ADCYAP1R1: variants seen among roughly 807,000 people sequenced by gnomAD.
The protein encoded by ADCYAP1R1 is ADCYAP receptor type I.
Under a neutral mutation model 67.6 loss-of-function variants are expected in ADCYAP1R1, and 44 were observed. The observed-to-expected ratio is 0.65, with a 90% confidence interval of 0.51 to 0.84. The LOEUF is 0.84. Among genes scored for constraint, ADCYAP1R1 ranks in the 40% least tolerant of loss-of-function variants. The probability of loss-of-function intolerance (pLI) is 0.00; values close to 1 mark genes in which losing one functional copy is unlikely to be tolerated. For missense variants in ADCYAP1R1, 477 were observed against 587.9 expected (o/e 0.81, Z 1.95); for synonymous variants, 222 against 219.6 (o/e 1.01, Z -0.10).
intron 3 of ADCYAP1R1, among the ~76,000 whole-genome samples, chr7:31,068,325 G>C (rs903287653): frequency 1.3e-5 from 2 of 152,204 alleles, no homozygotes; most frequent in Admixed American, 1.3e-4. Flanking sequence ...TAGACACAGA[G>C]ACGTTAGGTT....
At chr7:31,093,277 A>G (rs939315351) in intron 13 of ADCYAP1R1, among the ~76,000 whole-genome samples, 13 of 152,110 alleles carry the variant, frequency 8.5e-5, no homozygotes, top group African/African-American at 2.4e-4. Context: ...ATGTGGTCCT[A>G]TTTCTTCAAC....
chr7:31,104,794 T>C, intron 14 of ADCYAP1R1, 74 bp from the exon 15 acceptor site: 1 of 1,532,490 alleles, frequency 6.5e-7, no homozygotes, highest in Non-Finnish European at 9.0e-7. Context: ...CCTAGAGTCA[T>C]CCCCTCCATG....
rs1795763217 is a variant in ADCYAP1R1, at chr7:31,086,806, T to C, written c.824-137T>C. Reference sequence around the variant, plus strand: ...GATATAGACCCTCAGGAGGCCTGGGTGTGAGGGACAGTTAGAATTCCCAGG... The same window carrying C: ...GATATAGACCCTCAGGAGGCCTGGGCGTGAGGGACAGTTAGAATTCCCAGG... On this transcript the variant is annotated intron_variant, in intron 10 of 15. Transcript: ENST00000304166. The surrounding 1 kb of genome is among the most constrained non-coding windows in gnomAD (Gnocchi z 5.0). 1.0e-6 allele frequency: 1 copy of C among 1,002,116 alleles called. No individual in the cohort carries two copies. The highest frequency in any genetic ancestry group is 1.8e-5 in the Admixed American group (1 of 55,788). The allele number at this position is 1,002,116 out of a possible 1,614,324, so 62.1% of individuals were successfully genotyped here.
intron 6 of ADCYAP1R1, among the ~76,000 whole-genome samples, chr7:31,082,373 T>G (rs768184493): frequency 6.6e-6 from 1 of 152,112 alleles, no homozygotes; most frequent in Non-Finnish European, 1.5e-5. Flanking sequence ...AGTGGCAAAT[T>G]CACAGAACAG....
At chr7:31,073,092 A>T (rs555451345) in intron 3 of ADCYAP1R1, among the ~76,000 whole-genome samples, 7 of 152,248 alleles carry the variant, frequency 4.6e-5, no homozygotes, top group Admixed American at 6.5e-5. Context: ...ACCTGCAGGA[A>T]TATAAGATGA....
chr7:31,086,835 T>C lies in ADCYAP1R1; in HGVS notation c.824-108T>C. ...AGGGACAGTTAGAATTCCCAGGAAT[T>C]CCAAGTCTCATGGGGGAGCAATAGC... On this transcript the variant is annotated intron_variant, in intron 10 of 15. Transcript: ENST00000304166. The surrounding 1 kb of genome is among the most constrained non-coding windows in gnomAD (Gnocchi z 5.0). 8.2e-7 allele frequency: 1 copy of C among 1,225,344 alleles called. No homozygotes were observed. The highest frequency in any genetic ancestry group is 1.2e-6 in the Non-Finnish European group (1 of 833,206). The allele number at this position is 1,225,344 out of a possible 1,614,324, so 75.9% of individuals were successfully genotyped here.
At chr7:31,064,622 C>G (rs1021755976) in intron 2 of ADCYAP1R1, among the ~76,000 whole-genome samples, 2 of 152,186 alleles carry the variant, frequency 1.3e-5, no homozygotes, top group African/African-American at 4.8e-5. Context: ...CTGTCCAAAG[C>G]CACACATTGA....
At chr7:31,053,284 G>A (rs973545399) in intron 1 of ADCYAP1R1, among the ~76,000 whole-genome samples, 1 of 152,252 alleles carries the variant, frequency 6.6e-6, no homozygotes, top group African/African-American at 2.4e-5. Context: ...GTGGCGCGGA[G>A]GGGCTGGGGT....
chr7:31,063,461 TTG>T, intron 2 of ADCYAP1R1, 146 bp downstream of exon 2: 1 of 806,000 alleles, frequency 1.2e-6, no homozygotes, highest in Non-Finnish European at 2.0e-6. Flanking sequence ...CCCAGTGCCT[TTG>T]TGTGAATCAG....
At chr7:31,097,216 C>T (rs1036255232) in intron 13 of ADCYAP1R1, among the ~76,000 whole-genome samples, 1 of 152,352 alleles carries the variant, frequency 6.6e-6, no homozygotes, top group African/African-American at 2.4e-5. Flanking sequence ...CTGAATCAGG[C>T]TGCTCTGCTC....
At position 31,078,116 on chromosome 7, in the gene ADCYAP1R1, T is replaced by C. The variant is rs1300407866; in HGVS notation, c.265+18T>C. On this transcript the variant is annotated intron_variant, in intron 4 of 15. Transcript: ENST00000304166. Reference sequence around the variant, plus strand: ...AGACCAAGGTGGGTTTAGCCCAGTCTCTTTAGGCCACGCTGGCCTAGCCTG... The same window carrying C: ...AGACCAAGGTGGGTTTAGCCCAGTCCCTTTAGGCCACGCTGGCCTAGCCTG... 4 of 1,591,742 alleles carry C rather than the reference T, an allele frequency of 2.5e-6. No individual in the cohort carries two copies. In the East Asian group the frequency reaches 6.7e-5, roughly 27 times the overall value.
At chr7:31,078,322 C>T (rs371573703) in intron 4 of ADCYAP1R1, among the ~76,000 whole-genome samples, 13 of 152,104 alleles carry the variant, frequency 8.5e-5, no homozygotes, top group Non-Finnish European at 1.6e-4. Flanking sequence ...TGCCCTCACG[C>T]GTGGGATCCA....
chr7:31,071,436 G>A (rs968584730), intron 3 of ADCYAP1R1, among the ~76,000 whole-genome samples: 2 of 152,162 alleles, frequency 1.3e-5, no homozygotes, highest in African/African-American at 4.8e-5. Flanking sequence ...ATGGAGCCAT[G>A]AGGCTTGGAG....
chr7:31,087,042 T>TAG (rs747585849), intron 11 of ADCYAP1R1, 39 bp downstream of exon 11: 4 of 1,610,396 alleles, frequency 2.5e-6, no homozygotes, highest in Non-Finnish European at 3.4e-6. Flanking sequence ...CAGCACAGAG[T>TAG]AGATTCTTAC....
chr7:31,067,894 G>A (rs777512377), intron 3 of ADCYAP1R1, among the ~76,000 whole-genome samples: 11 of 152,226 alleles, frequency 7.2e-5, no homozygotes, highest in African/African-American at 1.2e-4. Flanking sequence ...TCATCTTGGA[G>A]TGTTGGGGGT....
rs1480552601 is a variant in ADCYAP1R1 at position 31,076,549 on chromosome 7, C to T, written c.158-1442C>T. 2.0e-5 allele frequency among the ~76,000 whole-genome samples: 3 copies of T among 152,194 alleles called. No individual in the cohort carries two copies. The East Asian group carries it at 5.8e-4, about 29-fold the overall frequency. ...AAATCTTGGGGATTCCTCAACACCT[C>T]TCAGTTCGTCTGTCCCTTCCTCTCC... On this transcript the variant is annotated intron_variant, in intron 3 of 15. Transcript: ENST00000304166.
At position 31,080,584 on chromosome 7, in the gene ADCYAP1R1, T is replaced by C. The variant is rs773817197; in HGVS notation, c.266-29T>C. 7 of 1,606,504 alleles carry C rather than the reference T, an allele frequency of 4.4e-6. No individual in the cohort carries two copies. In the East Asian group the frequency reaches 6.7e-5, roughly 15 times the overall value. The stretch of plus-strand genomic sequence containing the variant: ...TCACCCCGCTGCTCACCTCTGACTT[T>C]TCTCTCTCTCTCTTTCTCTCTGTTT... On this transcript the variant is annotated intron_variant, in intron 4 of 15. Transcript: ENST00000304166.
intron 13 of ADCYAP1R1, chr7:31,100,161 C>A: frequency 6.4e-7 from 1 of 1,550,596 alleles, no homozygotes; most frequent in Non-Finnish European, 8.7e-7. Flanking sequence ...CAAGCCACAG[C>A]GGGCTCAGCA....
rs1397654866 is a variant in ADCYAP1R1 at position 31,110,883 on chromosome 7, G to A, written c.*4199G>A. 4 of 152,198 alleles carry A rather than the reference G, an allele frequency of 2.6e-5. No individual in the cohort carries two copies. The allele number at this position is 152,198 out of a possible 1,614,324, so 9.4% of individuals were successfully genotyped here. ...AAGATTTTGGAAATTACACAGATGT[G>A]GGCTTGTTATTGGGATGAAGACTGC... On this transcript the variant is annotated 3_prime_UTR_variant, in exon 16 of 16. Transcript: ENST00000304166.
Sources: gnomAD v4.1 joint callset for allele counts (sites outside exome capture counted in the v4.1 genomes callset) on GRCh38, gnomAD v4.1.1 for gene constraint, Gnocchi (gnomAD v3.1) non-coding constraint, MANE v1.5 for transcripts, NCBI Gene and HGNC (gene_info 2026-07-23, HGNC 2026-07-21) for gene names.